TPST1: variants seen among roughly 807,000 people sequenced by gnomAD.
The protein encoded by TPST1 is tyrosylprotein sulfotransferase 1.
A neutral mutation model predicts 34.8 loss-of-function variants in TPST1; 20 were observed. The observed-to-expected ratio is 0.57, with a 90% CI of 0.40 to 0.84. TPST1 has a LOEUF of 0.84. Ranked by LOEUF, TPST1 falls within the 40% of genes least tolerant of loss-of-function variation. TPST1 has a pLI of 0.00. For missense variants in TPST1, 353 were observed against 455.5 expected (o/e 0.78, Z 2.05); for synonymous variants, 152 against 159.4 (o/e 0.95, Z 0.35).
chr7:66,208,831 T>G (rs560456222), intron 1 of TPST1, among the ~76,000 whole-genome samples: 93 of 152,290 alleles, frequency 6.1e-4, no homozygotes, highest in African/African-American at 2.2e-3. Flanking sequence ...AGTGAACCCT[T>G]TAAGAGAAAG....
intron 3 of TPST1, among the ~76,000 whole-genome samples, chr7:66,307,802 A>T (rs1377267370): frequency 6.6e-6 from 1 of 152,234 alleles, no homozygotes; most frequent in African/African-American, 2.4e-5. Context: ...AACTTTGTTC[A>T]TTAGCGTTCT....
chr7:66,279,050 C>T (rs1790880263), intron 2 of TPST1, among the ~76,000 whole-genome samples: 1 of 152,098 alleles, frequency 6.6e-6, no homozygotes, highest in Non-Finnish European at 1.5e-5. Context: ...AAGCATAGTA[C>T]TCTATGGGTA....
intron 1 of TPST1, among the ~76,000 whole-genome samples, chr7:66,215,985 A>G (rs1285032623): frequency 1.3e-5 from 2 of 151,494 alleles, no homozygotes; most frequent in East Asian, 2.0e-4. Flanking sequence ...GTTAGCCAGG[A>G]TGGTCTGGAT....
intron 3 of TPST1, among the ~76,000 whole-genome samples, chr7:66,345,578 A>G (rs1268762515): frequency 6.6e-6 from 1 of 151,962 alleles, no homozygotes; most frequent in African/African-American, 2.4e-5. Flanking sequence ...GCAGAAAATC[A>G]AAGATAACAT....
intron 2 of TPST1, among the ~76,000 whole-genome samples, chr7:66,281,866 G>A (rs766059888): frequency 2.6e-5 from 4 of 152,198 alleles, no homozygotes; most frequent in South Asian, 2.1e-4. Flanking sequence ...AATGAATGTC[G>A]TGGAGAATTG....
In TPST1 at chr7:66,235,736, A is replaced by C. The variant is rs112574068; in HGVS notation, c.-101-4589A>C. On this transcript the variant is annotated intron_variant, in intron 1 of 5. Transcript: ENST00000304842. ...TGATGACGTGTGCCCAAGGTAGTTG[A>C]GATACAGCTTGGTTTTATACATTTT... Among the ~76,000 whole-genome samples the C allele has an allele frequency of 3.2e-4, 48 of 152,276 alleles. 4 individuals carry two copies. The highest frequency in any genetic ancestry group is 1.1e-3 in the African/African-American group (46 of 41,548).
chr7:66,359,830 CGAA>C (rs1291920473), intron 5 of TPST1, 62 bp from the exon 6 acceptor site: 3 of 453,660 alleles, frequency 6.6e-6, no homozygotes, highest in Non-Finnish European at 1.3e-5. Context: ...AAGGAAGAGA[CGAA>C]GACACAGGGA....
chr7:66,328,639 G>A (rs919205371), intron 3 of TPST1, among the ~76,000 whole-genome samples: 6 of 151,344 alleles, frequency 4.0e-5, no homozygotes, highest in African/African-American at 1.5e-4. Context: ...CTGCCTCTTG[G>A]GTTCAAGCAA....
intron 1 of TPST1, among the ~76,000 whole-genome samples, chr7:66,225,749 ACTT>A (rs1472106723): frequency 2.0e-5 from 3 of 152,246 alleles, no homozygotes; most frequent in African/African-American, 4.8e-5. Flanking sequence ...CTTTTACTGT[ACTT>A]CTTAAATCAA....
In TPST1 at chr7:66,311,439, ATT is replaced by A. The variant is rs1320445711; in HGVS notation, c.1044+24733_1044+24734del. On this transcript the variant is annotated intron_variant, in intron 3 of 5. Coordinates refer to ENST00000304842, the MANE Select transcript of TPST1 (RefSeq NM_003596.4). ...CAGGAGTGAGCCACTGTGCCCAGCC[ATT>A]TTGTTTTATTTTGAAAGAAGGCTGA... Among the ~76,000 whole-genome samples, 3 of 152,212 alleles carry A rather than the reference ATT, an allele frequency of 2.0e-5. No homozygotes were observed. In the East Asian group the frequency reaches 5.8e-4, roughly 29 times the overall value.
In TPST1 at chr7:66,241,059, T is replaced by C; in HGVS notation, c.634T>C (p.Leu212=). 1 of 1,614,228 alleles carries C rather than the reference T, an allele frequency of 6.2e-7. No individual in the cohort carries two copies. Among genetic ancestry groups the C allele is most frequent in the Non-Finnish European group, 8.5e-7 (1 of 1,180,028 alleles). ...GFDLNSYRDC[L]TKWNRAIETM... is the part of the protein sequence containing the mutation. ...TGATCTGAACAGCTATAGGGACTGTTTGACAAAGTGGAATCGTGCTATAGA... is the reference window on the plus strand; with the variant it reads ...TGATCTGAACAGCTATAGGGACTGTCTGACAAAGTGGAATCGTGCTATAGA... Residue 212 remains leucine (L), a synonymous_variant, in exon 2 of 6, where the codon TTG becomes CTG. Transcript: ENST00000304842.
intron 2 of TPST1, among the ~76,000 whole-genome samples, chr7:66,271,026 T>C (rs1790693748): frequency 6.6e-6 from 1 of 152,238 alleles, no homozygotes; most frequent in African/African-American, 2.4e-5. Flanking sequence ...ACAAAAAGCA[T>C]AATAAATACT....
intron 1 of TPST1, among the ~76,000 whole-genome samples, chr7:66,234,018 C>T (rs1008741909): frequency 2.6e-5 from 4 of 152,166 alleles, no homozygotes; most frequent in South Asian, 4.1e-4. Flanking sequence ...TGTGCCACCA[C>T]GGCTAATTTT....
At chr7:66,265,803 C>T (rs1276374611) in intron 2 of TPST1, among the ~76,000 whole-genome samples, 1 of 152,176 alleles carries the variant, frequency 6.6e-6, no homozygotes, top group African/African-American at 2.4e-5. Flanking sequence ...CAGCAGACTT[C>T]TCACCAGTAA....
intron 1 of TPST1, among the ~76,000 whole-genome samples, chr7:66,214,298 A>G (rs987222325): frequency 2.6e-5 from 4 of 151,818 alleles, no homozygotes; most frequent in African/African-American, 9.7e-5. Flanking sequence ...AGACAATCAT[A>G]TATAATATTG....
chr7:66,270,987 T>C (rs1790692669), intron 2 of TPST1, among the ~76,000 whole-genome samples: 1 of 152,236 alleles, frequency 6.6e-6, no homozygotes, highest in South Asian at 2.1e-4. Flanking sequence ...CTATATTTTT[T>C]GGTTGCCCAG....
At chr7:66,270,368 ATAGAAC>A (rs1310502751) in intron 2 of TPST1, among the ~76,000 whole-genome samples, 1 of 152,216 alleles carries the variant, frequency 6.6e-6, no homozygotes, top group African/African-American at 2.4e-5. Flanking sequence ...ATGTTAAGAA[ATAGAAC>A]CATATCAGTC....
At chr7:66,264,722 A>G (rs1790556877) in intron 2 of TPST1, among the ~76,000 whole-genome samples, 1 of 152,240 alleles carries the variant, frequency 6.6e-6, no homozygotes, top group Non-Finnish European at 1.5e-5. Flanking sequence ...GCCACATTAT[A>G]AGATTTAAAA....
At chr7:66,338,179 G>A (rs1231710758) in intron 3 of TPST1, among the ~76,000 whole-genome samples, 1 of 152,082 alleles carries the variant, frequency 6.6e-6, no homozygotes, top group African/African-American at 2.4e-5. Flanking sequence ...AAAAGAGCAA[G>A]AGAGCCTATA....
Sources: allele counts gnomAD v4.1 joint callset (sites outside exome capture counted in the v4.1 genomes callset), GRCh38; gene constraint gnomAD v4.1.1; transcripts MANE v1.5; gene names NCBI Gene and HGNC (gene_info 2026-07-23, HGNC 2026-07-21).